CCDC91: variants seen among roughly 807,000 people sequenced by gnomAD.
CCDC91 encodes coiled-coil domain containing 91, also known as coiled-coil domain-containing protein 91.
CCDC91 carries 48 observed loss-of-function variants against 63.2 expected under a neutral mutation model. That is an observed-to-expected ratio of 0.76 (90% CI 0.60 to 0.97). CCDC91 has a LOEUF of 0.97. Among genes scored for constraint, CCDC91 ranks in the 50% least tolerant of loss-of-function variants. The pLI is 0.00. For missense variants in CCDC91, 500 were observed against 494.6 expected, an observed-to-expected ratio of 1.01 and a Z score of -0.10; for synonymous variants, 167 against 165.8, an observed-to-expected ratio of 1.01 and a Z score of -0.06.
chr12:28,520,053 A>G (rs961089348), intron 12 of CCDC91, among the ~76,000 whole-genome samples: 1 of 152,106 alleles, frequency 6.6e-6, no homozygotes, highest in Admixed American at 6.6e-5. Context: ...GTGTCTTTAT[A>G]GCAGCATGAT....
chr12:28,298,438 T>A (rs920009870), intron 3 of CCDC91, among the ~76,000 whole-genome samples: 4 of 151,148 alleles, frequency 2.6e-5, no homozygotes, highest in Non-Finnish European at 5.9e-5. Flanking sequence ...TCTTTTCCTA[T>A]CCTATTAACT....
intron 12 of CCDC91, among the ~76,000 whole-genome samples, chr12:28,541,565 T>C (rs1283076266): frequency 2.6e-5 from 4 of 152,124 alleles, no homozygotes; most frequent in African/African-American, 9.7e-5. Context: ...TCTATAAAAG[T>C]TGAATTGATA....
At chr12:28,289,896 G>A (rs1565740395) in intron 3 of CCDC91, among the ~76,000 whole-genome samples, 2 of 151,856 alleles carry the variant, frequency 1.3e-5, no homozygotes, top group Non-Finnish European at 1.5e-5. Flanking sequence ...GTTTCACCGT[G>A]TTAGCCAGGA....
At chr12:28,258,191 C>G (rs527409714) in intron 2 of CCDC91, among the ~76,000 whole-genome samples, 9 of 152,002 alleles carry the variant, frequency 5.9e-5, no homozygotes, top group East Asian at 3.9e-4. Context: ...TTTGTTTAAG[C>G]ATGCTTGTAT....
At chr12:28,386,048 G>A (rs528482557) in intron 7 of CCDC91, among the ~76,000 whole-genome samples, 7 of 152,230 alleles carry the variant, frequency 4.6e-5, no homozygotes, top group South Asian at 2.1e-4. Context: ...AGTTGAGCCC[G>A]TGGAGTAAAA....
At chr12:28,454,663 C>T (rs1011487777) in intron 11 of CCDC91, among the ~76,000 whole-genome samples, 15 of 152,072 alleles carry the variant, frequency 9.9e-5, no homozygotes, top group African/African-American at 3.4e-4. Flanking sequence ...CCTGTTACGG[C>T]TCTGAGATAG....
rs1948874554 is a variant in CCDC91 at position 28,435,821 on chromosome 12, T to G, written c.763-14340T>G. Among the ~76,000 whole-genome samples, 3 of 151,918 alleles carry G rather than the reference T, an allele frequency of 2.0e-5. 1 individual carries two copies. In the South Asian group the frequency reaches 6.2e-4, roughly 32 times the overall value. On this transcript the variant is annotated intron_variant, in intron 8 of 12. Transcript: ENST00000536442. Reference sequence around the variant, plus strand: ...GAGTTTGCATCCAAATTGTTATGTCTTTTTGGGGAAATTGACCCCTTTATC... The same window carrying G: ...GAGTTTGCATCCAAATTGTTATGTCGTTTTGGGGAAATTGACCCCTTTATC...
rs1439463819 is a variant in CCDC91, at chr12:28,362,444, C to T, written c.583C>T (p.His195Tyr). The T allele has an allele frequency of 6.3e-7, 1 of 1,576,126 alleles. No homozygotes were observed. The highest frequency in any genetic ancestry group is 2.3e-5 in the East Asian group (1 of 43,734). ...AGTTTCTTTTTTCTTTCAGGAAAAACATAAACAAGAATTGGAAGACATGAG... is the reference window on the plus strand; with the variant it reads ...AGTTTCTTTTTTCTTTCAGGAAAAATATAAACAAGAATTGGAAGACATGAG... ...QDRYKELQEKHKQELEDMRKA... is the reference protein window; with the variant it reads ...QDRYKELQEKYKQELEDMRKA... Residue 195 changes from histidine to tyrosine, a missense_variant, in exon 7 of 13, where the codon CAT (histidine) becomes TAT (tyrosine). Transcript: ENST00000536442.
intron 12 of CCDC91, among the ~76,000 whole-genome samples, chr12:28,501,200 C>T (rs1360694808): frequency 2.6e-5 from 4 of 151,934 alleles, no homozygotes; most frequent in Non-Finnish European, 5.9e-5. Context: ...CCCTTTATTT[C>T]CTTCTCCTGT....
chr12:28,217,237 A>G (rs1478777705), intron 1 of CCDC91, among the ~76,000 whole-genome samples: 1 of 152,194 alleles, frequency 6.6e-6, no homozygotes, highest in African/African-American at 2.4e-5. Context: ...GTGTACGTGT[A>G]AACACACAGA....
intron 3 of CCDC91, among the ~76,000 whole-genome samples, chr12:28,279,924 G>A (rs1948493525): frequency 6.6e-6 from 1 of 151,990 alleles, no homozygotes; most frequent in Admixed American, 6.6e-5. Flanking sequence ...TATGCAGTCG[G>A]GTGTGGTCTA....
At chr12:28,474,490 T>C (rs1348470521) in intron 11 of CCDC91, among the ~76,000 whole-genome samples, 1 of 152,088 alleles carries the variant, frequency 6.6e-6, no homozygotes, top group Non-Finnish European at 1.5e-5. Context: ...TGGTAGTAGA[T>C]TGCTGATCCC....
intron 12 of CCDC91, among the ~76,000 whole-genome samples, chr12:28,520,620 G>T (rs568788541): frequency 6.6e-6 from 1 of 152,026 alleles, no homozygotes; most frequent in East Asian, 1.9e-4. Context: ...CATTGCTTTC[G>T]GTGTTTTAGA....
rs1384556356 is a variant in CCDC91 at position 28,335,940 on chromosome 12, G to GT, written c.577-26486dup. On this transcript the variant is annotated intron_variant, in intron 6 of 12. Transcript: ENST00000536442. ...CATGGCCTATAGAAAAGTTTGGACT[G>GT]TTTTTTTTTTTTAAAAAAAAACCAC... Among the ~76,000 whole-genome samples, 841 of 135,656 alleles carry GT rather than the reference G, an allele frequency of 6.2e-3. 11 individuals carry two copies. Among genetic ancestry groups the GT allele is most frequent in the African/African-American group, 0.017 (616 of 36,666 alleles). The allele number at this position is 135,656 out of a possible 152,430, so 89.0% of individuals were successfully genotyped here. A position where few individuals can be genotyped will look rare whatever the true frequency, so the allele number is the denominator to read the frequency against.
intron 12 of CCDC91, among the ~76,000 whole-genome samples, chr12:28,545,857 A>G (rs1409538899): frequency 6.6e-6 from 1 of 152,100 alleles, no homozygotes; most frequent in Non-Finnish European, 1.5e-5. Context: ...TTACTTAGCA[A>G]CAGAGGTTGA....
At chr12:28,474,476 T>C (rs774155916) in intron 11 of CCDC91, among the ~76,000 whole-genome samples, 2 of 152,124 alleles carry the variant, frequency 1.3e-5, no homozygotes, top group African/African-American at 2.4e-5. Flanking sequence ...CGGATTTGGC[T>C]CATTGGTAGT....
intron 6 of CCDC91, among the ~76,000 whole-genome samples, chr12:28,334,478 C>T (rs1459142319): frequency 1.3e-5 from 2 of 151,998 alleles, no homozygotes; most frequent in African/African-American, 4.8e-5. Context: ...CTATCCTTGC[C>T]TATGGCATCC....
At chr12:28,291,816 A>G (rs1371636707) in intron 3 of CCDC91, among the ~76,000 whole-genome samples, 5 of 152,140 alleles carry the variant, frequency 3.3e-5, no homozygotes, top group African/African-American at 7.2e-5. Flanking sequence ...CAAATGCTAA[A>G]TGACTGTAGA....
intron 1 of CCDC91, among the ~76,000 whole-genome samples, chr12:28,231,100 A>G (rs1944563787): frequency 6.6e-6 from 1 of 152,100 alleles, no homozygotes; most frequent in Non-Finnish European, 1.5e-5. Context: ...CTCTGTGGTG[A>G]ATTTCTTTTC....
Sources: gnomAD v4.1 joint callset for allele counts (sites outside exome capture counted in the v4.1 genomes callset) on GRCh38, gnomAD v4.1.1 for gene constraint, MANE v1.5 for transcripts, NCBI Gene and HGNC (gene_info 2026-07-23, HGNC 2026-07-21) for gene names.